The following TSC22D4 variants were observed in gnomAD, a reference collection of about 807,000 sequenced individuals.
TSC22D4 encodes the protein TSC22 domain family member 4.
A neutral mutation model predicts 24.9 loss-of-function variants in TSC22D4; 5 were observed. The ratio of observed to expected loss-of-function variants is 0.20; its 90% CI spans 0.10 to 0.42. The LOEUF (loss-of-function observed/expected upper bound fraction) is 0.42, where lower values mean the gene tolerates loss of function less well. Ranked by LOEUF, TSC22D4 falls within the 10% of genes least tolerant of loss-of-function variation. The pLI is 1.00. For synonymous variants in TSC22D4, 245 were observed against 243.2 expected, an observed-to-expected ratio of 1.01 and a Z score of -0.07; for missense variants, 469 against 547.9, an observed-to-expected ratio of 0.86 and a Z score of 1.44.
At chr7:100,473,182 A>G (rs1357132002) in intron 3 of TSC22D4, among the ~76,000 whole-genome samples, 3 of 152,098 alleles carry the variant, frequency 2.0e-5, no homozygotes, top group African/African-American at 7.2e-5. Context: ...ACTGTCCCCT[A>G]AAGGGAGAAC....
intron 1 of TSC22D4, 31 bp from the exon 2 acceptor site, chr7:100,478,338 AGAGAGAGAGAGAGTGTGTGTGT>A (rs1799552657): frequency 6.7e-6 from 2 of 298,060 alleles, no homozygotes. Flanking sequence ...AGAGAGAGAG[AGAGAGAGAGAGAGTGTGTGTGT>A]GTGTGTGTGT....
Position 100,474,538 on chromosome 7 carries a change from C to G in TSC22D4, c.763-98G>C. On this transcript the variant is annotated intron_variant, in intron 2 of 4. Transcript: ENST00000300181. The surrounding 1 kb of genome is among the most constrained non-coding windows in gnomAD (Gnocchi z 4.3). ...ATTAGCCTTCCTCCCTCTCCACCTC[C>G]CCACTCTCTTTCGAGGACCCAGGAG... 1.4e-6 allele frequency: 2 copies of G among 1,421,790 alleles called. No homozygotes were observed. The highest frequency in any genetic ancestry group is 1.9e-6 in the Non-Finnish European group (2 of 1,043,848). 88.1% of individuals were successfully genotyped at this position (1,421,790 alleles called of 1,614,324 possible). A position where few individuals can be genotyped will look rare whatever the true frequency, so the allele number is the denominator to read the frequency against.
rs548508935 is a variant in TSC22D4, at chr7:100,469,134, G to A, written c.930-1534C>T. The stretch of plus-strand genomic sequence containing the variant: ...CCTAGCTACTCTGGAGGCTGAGGCA[G>A]GAGAATCGCTTGAACCTGGGAGGCG... On this transcript the variant is annotated intron_variant, in intron 3 of 4. Transcript: ENST00000300181. Among the ~76,000 whole-genome samples the A allele has an allele frequency of 1.7e-4, 26 of 151,560 alleles. No individual in the cohort carries two copies. The South Asian group carries it at 5.2e-3, about 30-fold the overall frequency.
In TSC22D4 at chr7:100,477,925, C is replaced by T; in HGVS notation, c.114G>A (p.Gly38=). ...SDPPTPQPPT[G]PPPRLPNGEP... is the part of the protein sequence containing the mutation. ...CCCCATTGGGCAGGCGGGGCGGGGG[C>T]CCGGTTGGGGGCTGTGGGGTAGGGG... The change falls in exon 2 of 5, where the codon GGG becomes GGA. Residue 38 remains glycine (G), a synonymous_variant. Coordinates refer to ENST00000300181, the MANE Select transcript of TSC22D4 (RefSeq NM_030935.5). The surrounding 1 kb of genome is among the most constrained non-coding windows in gnomAD (Gnocchi z 7.8). 2 of 1,548,436 alleles carry T rather than the reference C, an allele frequency of 1.3e-6. No individual in the cohort carries two copies. Among genetic ancestry groups the T allele is most frequent in the Non-Finnish European group, 1.7e-6 (2 of 1,147,168 alleles).
chr7:100,475,813 G>T (rs1342711507), intron 2 of TSC22D4, among the ~76,000 whole-genome samples: 3 of 151,336 alleles, frequency 2.0e-5, no homozygotes, highest in Non-Finnish European at 4.4e-5. Context: ...GGCCCCGGGA[G>T]GCCCCAGCTT....
intron 2 of TSC22D4, among the ~76,000 whole-genome samples, chr7:100,476,242 G>A (rs1169683968): frequency 6.7e-6 from 1 of 148,512 alleles, no homozygotes; most frequent in African/African-American, 2.5e-5. Flanking sequence ...TGGGGGAGGG[G>A]GGGTAGGAGG....
In TSC22D4 at chr7:100,478,849, G is replaced by T. The variant is rs1298240067; in HGVS notation, c.-325C>A. 2 of 152,350 alleles carry T rather than the reference G, an allele frequency of 1.3e-5. No homozygotes were observed. Among genetic ancestry groups the T allele is most frequent in the Non-Finnish European group, 2.9e-5 (2 of 68,186 alleles). The allele number at this position is 152,350 out of a possible 1,614,324, so 9.4% of individuals were successfully genotyped here. ...GAGGGTCCCGGCGCCTAAGAGGTCGGGCTGTCCGTTCCCTGGGGCCTCCTG... is the reference window on the plus strand; with the variant it reads ...GAGGGTCCCGGCGCCTAAGAGGTCGTGCTGTCCGTTCCCTGGGGCCTCCTG... On this transcript the variant is annotated 5_prime_UTR_variant, in exon 1 of 5. Transcript: ENST00000300181.
chr7:100,467,741 T>C (rs768456035), intron 3 of TSC22D4, 141 bp from the exon 4 acceptor site: 3 of 937,264 alleles, frequency 3.2e-6, no homozygotes, highest in Non-Finnish European at 5.1e-6. Context: ...TCCATCCCCC[T>C]GCGGGTTGAA....
chr7:100,479,186 C>G lies in TSC22D4; in HGVS notation c.-662G>C, dbSNP rs1799575951. On this transcript the variant is annotated 5_prime_UTR_variant, in exon 1 of 5. Coordinates refer to ENST00000300181, the MANE Select transcript of TSC22D4 (RefSeq NM_030935.5). ...CGGCTCCCCTGGGTCTCTGCCTCTC[C>G]GTCTTTCTCTTTCTGGGCTGTTGAC... 1 of 153,078 alleles carries G rather than the reference C, an allele frequency of 6.5e-6. No homozygotes were observed. Among genetic ancestry groups the G allele is most frequent in the Non-Finnish European group, 1.5e-5 (1 of 68,658 alleles). The allele number at this position is 153,078 out of a possible 1,614,324, so 9.5% of individuals were successfully genotyped here. A position where few individuals can be genotyped will look rare whatever the true frequency, so the allele number is the denominator to read the frequency against.
At chr7:100,475,978 C>T (rs1402317902) in intron 2 of TSC22D4, among the ~76,000 whole-genome samples, 1 of 150,850 alleles carries the variant, frequency 6.6e-6, no homozygotes, top group Non-Finnish European at 1.5e-5. Context: ...GACTTTTGGG[C>T]AAGGAAATAG....
chr7:100,467,678 C>G, intron 3 of TSC22D4, 78 bp from the exon 4 acceptor site: 1 of 1,322,148 alleles, frequency 7.6e-7, no homozygotes, highest in Non-Finnish European at 1.1e-6. Flanking sequence ...CAGCCTCCCG[C>G]CCACACCCCC....
chr7:100,467,677 G>A (rs1206684950), intron 3 of TSC22D4, 77 bp from the exon 4 acceptor site: 6 of 1,343,954 alleles, frequency 4.5e-6, no homozygotes, highest in Non-Finnish European at 6.4e-6. Context: ...ACAGCCTCCC[G>A]CCCACACCCC....
Position 100,466,992 on chromosome 7 carries a change from A to G in TSC22D4, c.1155T>C (p.Leu385=), listed in dbSNP as rs1799290453. Residue 385 remains leucine, a synonymous_variant, in exon 5 of 5, where the codon CTT becomes CTC. Transcript: ENST00000300181. ...AQLPSSGVPR[L]GPPAPNGPSV ...AGGGCCCATTGGGCGCAGGGGGCCC[A>G]AGCCGTGGGACCCCCGAGGAGGGCA... 2 of 1,595,120 alleles carry G rather than the reference A, an allele frequency of 1.3e-6. No individual in the cohort carries two copies. The highest frequency in any genetic ancestry group is 3.5e-5 in the Admixed American group (2 of 56,468).
At chr7:100,472,942 T>A (rs1034459430) in intron 3 of TSC22D4, among the ~76,000 whole-genome samples, 3 of 151,866 alleles carry the variant, frequency 2.0e-5, no homozygotes, top group Non-Finnish European at 4.4e-5. Flanking sequence ...ACCCCCAATT[T>A]CCTTCCAAGC....
At chr7:100,468,851 C>T (rs907594617) in intron 3 of TSC22D4, among the ~76,000 whole-genome samples, 3 of 151,894 alleles carry the variant, frequency 2.0e-5, no homozygotes, top group African/African-American at 4.8e-5. Flanking sequence ...GCAGGAGAAT[C>T]GCTTGAACCC....
chr7:100,467,513 G>A (rs1409385415), intron 4 of TSC22D4, 39 bp downstream of exon 4: 34 of 1,609,466 alleles, frequency 2.1e-5, no homozygotes, highest in Non-Finnish European at 2.8e-5. Context: ...ATGGCTTAAG[G>A]GGGCCAGGAC....
intron 3 of TSC22D4, among the ~76,000 whole-genome samples, chr7:100,471,298 G>C (rs1166803919): frequency 2.0e-5 from 3 of 152,302 alleles, no homozygotes; most frequent in African/African-American, 7.2e-5. Context: ...TAGAGAGAAA[G>C]GATATTGTAG....
intron 4 of TSC22D4, 80 bp downstream of exon 4, chr7:100,467,472 G>A (rs1328245560): frequency 6.7e-7 from 1 of 1,483,378 alleles, no homozygotes; most frequent in Non-Finnish European, 9.4e-7. Flanking sequence ...GTGTTCCCTG[G>A]TAAGGAAGAG....
intron 4 of TSC22D4, 151 bp downstream of exon 4, chr7:100,467,401 A>G: frequency 1.1e-6 from 1 of 922,926 alleles, no homozygotes; most frequent in Non-Finnish European, 1.7e-6. Flanking sequence ...AGGTGGTGGC[A>G]GGAGGGGGCA....
Sources: allele counts gnomAD v4.1 joint callset (sites outside exome capture counted in the v4.1 genomes callset), GRCh38; gene constraint gnomAD v4.1.1; non-coding constraint Gnocchi (gnomAD v3.1); transcripts MANE v1.5; gene names NCBI Gene and HGNC (gene_info 2026-07-23, HGNC 2026-07-21).